Variants in BCAR3 observed in about 807,000 individuals in gnomAD.
BCAR3 encodes the protein breast cancer anti-estrogen resistance protein 3.
A neutral mutation model predicts 80.1 loss-of-function variants in BCAR3; 37 were observed. That is an observed-to-expected ratio of 0.46 (90% CI 0.36 to 0.61). The LOEUF (loss-of-function observed/expected upper bound fraction) is 0.61, where lower values mean the gene tolerates loss of function less well. BCAR3 is among the 20% of genes least tolerant of loss of function. The probability of loss-of-function intolerance (pLI) is 0.00; values close to 1 mark genes in which losing one functional copy is unlikely to be tolerated. For missense variants in BCAR3, 978 were observed against 1,068.2 expected (o/e 0.92, Z 1.18); for synonymous variants, 389 against 418.9 (o/e 0.93, Z 0.87).
intron 3 of BCAR3, among the ~76,000 whole-genome samples, chr1:93,610,657 C>A (rs958445694): frequency 2.0e-5 from 3 of 152,110 alleles, no homozygotes; most frequent in African/African-American, 7.2e-5. Flanking sequence ...GTAGAAAGAA[C>A]GCTAGCAGCC....
At chr1:93,831,616 T>C (rs1265185142) in intron 2 of BCAR3, among the ~76,000 whole-genome samples, 1 of 152,176 alleles carries the variant, frequency 6.6e-6, no homozygotes, top group Admixed American at 6.5e-5. Flanking sequence ...TTCTCTCCTG[T>C]CTGTTCCTTC....
intron 1 of BCAR3, among the ~76,000 whole-genome samples, chr1:93,677,420 G>A (rs1028304785): frequency 1.3e-5 from 2 of 152,144 alleles, no homozygotes; most frequent in African/African-American, 4.8e-5. Context: ...CAAGGTGTCT[G>A]GACTTGACTG....
upstream of BCAR3, chr1:93,847,970 GA>G: frequency 4.5e-6 from 1 of 223,990 alleles, no homozygotes. Flanking sequence ...CGGCCTAAAG[GA>G]AAGTGCAGGG....
intron 3 of BCAR3, among the ~76,000 whole-genome samples, chr1:93,641,023 A>G (rs920424544): frequency 6.6e-6 from 1 of 152,240 alleles, no homozygotes; most frequent in Non-Finnish European, 1.5e-5. Flanking sequence ...TGCACAAAAC[A>G]TGTGATGCAT....
At chr1:93,768,006 T>C (rs959896340) in intron 2 of BCAR3, among the ~76,000 whole-genome samples, 68 of 152,192 alleles carry the variant, frequency 4.5e-4, no homozygotes, top group Admixed American at 5.9e-4. Context: ...TGCCTTAGTC[T>C]AGGCCTTGAA....
intron 5 of BCAR3, among the ~76,000 whole-genome samples, chr1:93,588,456 C>T (rs145398070): frequency 4.6e-5 from 7 of 152,226 alleles, no homozygotes; most frequent in Admixed American, 6.5e-5. Flanking sequence ...CTTAGGACAC[C>T]GTGTTCGCTA....
intron 2 of BCAR3, among the ~76,000 whole-genome samples, chr1:93,733,776 C>T (rs963871439): frequency 3.9e-5 from 6 of 152,248 alleles, no homozygotes; most frequent in Admixed American, 3.9e-4. Flanking sequence ...ATCTACCCTT[C>T]TCCAGATCCT....
intron 2 of BCAR3, among the ~76,000 whole-genome samples, chr1:93,834,311 C>T (rs1229368345): frequency 6.6e-6 from 1 of 152,158 alleles, no homozygotes; most frequent in Non-Finnish European, 1.5e-5. Context: ...TCTTGCCTAT[C>T]CACCCTATGG....
chr1:93,621,496 T>C (rs911312797), intron 3 of BCAR3, among the ~76,000 whole-genome samples: 4 of 152,152 alleles, frequency 2.6e-5, no homozygotes, highest in Non-Finnish European at 5.9e-5. Context: ...TGAGAATACC[T>C]TGGTGGTCAC....
At chr1:93,621,392 AG>A (rs571315265) in intron 3 of BCAR3, among the ~76,000 whole-genome samples, 112 of 152,266 alleles carry the variant, frequency 7.4e-4, no homozygotes, top group African/African-American at 2.5e-3. Flanking sequence ...CATTGAGGAG[AG>A]GGGTTATGAC....
At chr1:93,724,945 G>A (rs1201918830) in intron 2 of BCAR3, among the ~76,000 whole-genome samples, 6 of 152,188 alleles carry the variant, frequency 3.9e-5, no homozygotes, top group Admixed American at 2.0e-4. Context: ...ACTGCCTGAC[G>A]GAAGGGTCCA....
chr1:93,707,274 A>G (rs1649858777), intron 2 of BCAR3, among the ~76,000 whole-genome samples: 1 of 152,256 alleles, frequency 6.6e-6, no homozygotes, highest in African/African-American at 2.4e-5. Flanking sequence ...TACTAAAAGT[A>G]TATACACCAA....
intron 2 of BCAR3, among the ~76,000 whole-genome samples, chr1:93,652,449 A>G (rs1031567568): frequency 1.3e-5 from 2 of 152,168 alleles, no homozygotes; most frequent in African/African-American, 4.8e-5. Context: ...CTCCACACCC[A>G]GACACCCTTT....
At chr1:93,623,961 T>C (rs764000364) in intron 3 of BCAR3, among the ~76,000 whole-genome samples, 25 of 152,164 alleles carry the variant, frequency 1.6e-4, no homozygotes, top group African/African-American at 4.3e-4. Context: ...ATTAATGGTG[T>C]TTTGCAGTCT....
intron 2 of BCAR3, among the ~76,000 whole-genome samples, chr1:93,644,549 C>T (rs376156669): frequency 1.8e-4 from 28 of 152,338 alleles, no homozygotes; most frequent in South Asian, 1.5e-3. Context: ...AACCAAGCTG[C>T]GCCCCAACCA....
chr1:93,692,544 A>G (rs1301327168), intron 3 of BCAR3, among the ~76,000 whole-genome samples: 2 of 152,244 alleles, frequency 1.3e-5, no homozygotes, highest in East Asian at 3.8e-4. Context: ...CTTTGTGTGC[A>G]TCATCTGAGT....
At chr1:93,664,393 A>G (rs950475267) in intron 2 of BCAR3, among the ~76,000 whole-genome samples, 2 of 152,226 alleles carry the variant, frequency 1.3e-5, no homozygotes, top group African/African-American at 2.4e-5. Flanking sequence ...TGCTGGGATT[A>G]CAGGCGTGAG....
In BCAR3 at chr1:93,567,493, T is replaced by C; in HGVS notation, c.2087-2A>G. On this transcript the variant is annotated splice_acceptor_variant, in intron 10 of 11. Coordinates refer to ENST00000260502, the MANE Select transcript of BCAR3 (RefSeq NM_003567.4). LOFTEE classifies it high-confidence loss of function. ...TGTTTGGGGGAACACATGTGGACTCTGAAGAATAAGGAGTAGAGTTTTCCA... is the reference window on the plus strand; with the variant it reads ...TGTTTGGGGGAACACATGTGGACTCCGAAGAATAAGGAGTAGAGTTTTCCA... 6.2e-7 allele frequency: 1 copy of C among 1,613,920 alleles called. No individual in the cohort carries two copies. Among genetic ancestry groups the C allele is most frequent in the Admixed American group, 1.7e-5 (1 of 60,000 alleles).
intron 2 of BCAR3, among the ~76,000 whole-genome samples, chr1:93,788,681 GTTAA>G (rs1302382487): frequency 6.6e-6 from 1 of 152,200 alleles, no homozygotes; most frequent in Non-Finnish European, 1.5e-5. Context: ...GAAATCTGCT[GTTAA>G]TCTGAGATGA....
Sources: gnomAD v4.1 joint callset for allele counts (sites outside exome capture counted in the v4.1 genomes callset) on GRCh38, gnomAD v4.1.1 for gene constraint, MANE v1.5 for transcripts, NCBI Gene and HGNC (gene_info 2026-07-23, HGNC 2026-07-21) for gene names.